The following RIT2 variants were observed in gnomAD, a reference collection of about 807,000 sequenced individuals.
RIT2 encodes Ras like without CAAX 2.
RIT2 carries 24 observed loss-of-function variants against 23.7 expected under a neutral mutation model. The observed-to-expected ratio is 1.01, with a 90% CI of 0.73 to 1.43. The LOEUF (loss-of-function observed/expected upper bound fraction) is 1.43, where lower values mean the gene tolerates loss of function less well. RIT2 is among the 40% of genes most tolerant of loss of function. The pLI is 0.00. For missense variants in RIT2, 236 were observed against 266.9 expected (o/e 0.88, Z 0.81); for synonymous variants, 107 against 91.1 (o/e 1.17, Z -0.99).
chr18:42,992,508 C>T (rs376151094), intron 2 of RIT2, among the ~76,000 whole-genome samples: 8 of 152,074 alleles, frequency 5.3e-5, no homozygotes, highest in Admixed American at 1.3e-4. Flanking sequence ...TTCTAACCTT[C>T]CTTTTCTACA....
rs1257299172 is a variant in RIT2, at chr18:43,101,534, A to C, written c.103+13883T>G. Among the ~76,000 whole-genome samples, 3 of 152,234 alleles carry C rather than the reference A, an allele frequency of 2.0e-5. No individual in the cohort carries two copies. The South Asian group carries it at 6.2e-4, about 31-fold the overall frequency. ...GAGAAGAAGCCCTGTGTCGTGCAAC[A>C]TTAAGAGATCTAGAAGAAGAGGAAG... On this transcript the variant is annotated intron_variant, in intron 1 of 4. Coordinates refer to ENST00000326695, the MANE Select transcript of RIT2 (RefSeq NM_002930.4).
chr18:42,993,367 C>A (rs1042937220), intron 2 of RIT2, among the ~76,000 whole-genome samples: 1 of 152,170 alleles, frequency 6.6e-6, no homozygotes, highest in African/African-American at 2.4e-5. Context: ...TGCCCGATTG[C>A]CTCGGAAGCC....
At chr18:43,042,492 A>G (rs1232010740) in intron 1 of RIT2, among the ~76,000 whole-genome samples, 3 of 152,156 alleles carry the variant, frequency 2.0e-5, no homozygotes, top group Non-Finnish European at 4.4e-5. Context: ...CTCTGCCTGG[A>G]GAACTCTCCT....
intron 3 of RIT2, among the ~76,000 whole-genome samples, chr18:42,958,013 T>C (rs1037076268): frequency 2.0e-5 from 3 of 152,064 alleles, no homozygotes; most frequent in Non-Finnish European, 4.4e-5. Flanking sequence ...GGACCACTGG[T>C]TAACCTGGTG....
At chr18:42,935,678 G>C (rs543899076) in intron 3 of RIT2, among the ~76,000 whole-genome samples, 13 of 152,236 alleles carry the variant, frequency 8.5e-5, no homozygotes, top group South Asian at 4.1e-4. Context: ...GAGATGTCCA[G>C]GTTCTTGGCG....
intron 1 of RIT2, among the ~76,000 whole-genome samples, chr18:43,064,266 G>A (rs1409497070): frequency 2.0e-5 from 3 of 152,132 alleles, no homozygotes; most frequent in African/African-American, 7.2e-5. Context: ...TTATATAACA[G>A]AATATATAAT....
intron 4 of RIT2, among the ~76,000 whole-genome samples, chr18:42,863,415 T>C (rs1345700191): frequency 2.0e-5 from 3 of 152,260 alleles, no homozygotes; most frequent in Non-Finnish European, 2.9e-5. Flanking sequence ...CCATTATTCT[T>C]CCGTTAAATA....
At chr18:42,906,186 C>T (rs931184496) in intron 4 of RIT2, among the ~76,000 whole-genome samples, 1 of 151,878 alleles carries the variant, frequency 6.6e-6, no homozygotes, top group African/African-American at 2.4e-5. Context: ...GGACACCCAG[C>T]CATCTTGAAT....
At chr18:43,068,720 T>G (rs1859446517) in intron 1 of RIT2, among the ~76,000 whole-genome samples, 1 of 152,102 alleles carries the variant, frequency 6.6e-6, no homozygotes, top group Non-Finnish European at 1.5e-5. Flanking sequence ...TAAATGATAT[T>G]ACAATTGGTA....
intron 4 of RIT2, among the ~76,000 whole-genome samples, chr18:42,843,889 G>T (rs188763286): frequency 6.6e-6 from 1 of 152,116 alleles, no homozygotes; most frequent in Non-Finnish European, 1.5e-5. Context: ...AGGTTATTTT[G>T]GTGAAGACAA....
intron 2 of RIT2, among the ~76,000 whole-genome samples, chr18:43,019,313 C>G (rs1259346331): frequency 6.6e-6 from 1 of 151,790 alleles, no homozygotes; most frequent in Non-Finnish European, 1.5e-5. Context: ...TTAAATCAAA[C>G]AGAGCACCAA....
Position 42,944,835 on chromosome 18 carries a change from T to A in RIT2, c.235-21072A>T, listed in dbSNP as rs184206890. Among the ~76,000 whole-genome samples the A allele has an allele frequency of 5.9e-3, 902 of 152,182 alleles. 4 individuals carry two copies. Among genetic ancestry groups the A allele is most frequent in the Non-Finnish European group, 0.01 (702 of 67,986 alleles). On this transcript the variant is annotated intron_variant, in intron 3 of 4. Transcript: ENST00000326695. ...ACTCAAAGATTCTACTTAAGTTCCA[T>A]TTTCCAGATCACACTTATTTCCAAG...
intron 1 of RIT2, among the ~76,000 whole-genome samples, chr18:43,064,975 C>T (rs770175919): frequency 9.9e-5 from 15 of 151,544 alleles, no homozygotes; most frequent in South Asian, 8.3e-4. Context: ...CACCACCATG[C>T]CCGGCTAATT....
At chr18:42,878,155 G>A (rs1174813963) in intron 4 of RIT2, among the ~76,000 whole-genome samples, 1 of 150,838 alleles carries the variant, frequency 6.6e-6, no homozygotes, top group African/African-American at 2.4e-5. Context: ...ACCAATGCAA[G>A]GGTTGGGGCA....
chr18:42,948,480 T>C (rs1909777544), intron 3 of RIT2, among the ~76,000 whole-genome samples: 1 of 151,954 alleles, frequency 6.6e-6, no homozygotes, highest in Admixed American at 6.6e-5. Flanking sequence ...GAATTAGTAG[T>C]CTAAGAATGG....
intron 4 of RIT2, among the ~76,000 whole-genome samples, chr18:42,751,994 T>C (rs1221383353): frequency 6.6e-6 from 1 of 152,110 alleles, no homozygotes; most frequent in African/African-American, 2.4e-5. Context: ...ACCATACATT[T>C]GTCATACCTA....
intron 4 of RIT2, among the ~76,000 whole-genome samples, chr18:42,857,245 C>T (rs1907212035): frequency 6.6e-6 from 1 of 152,126 alleles, no homozygotes; most frequent in African/African-American, 2.4e-5. Flanking sequence ...ATTATGTGTC[C>T]TAAAATATCT....
intron 4 of RIT2, among the ~76,000 whole-genome samples, chr18:42,890,001 A>G (rs1336351241): frequency 1.3e-5 from 2 of 152,096 alleles, no homozygotes; most frequent in East Asian, 3.8e-4. Context: ...CCAAATGTTC[A>G]GCCTCTGAGT....
At chr18:43,093,595 C>G (rs1250420168) in intron 1 of RIT2, among the ~76,000 whole-genome samples, 1 of 151,932 alleles carries the variant, frequency 6.6e-6, no homozygotes, top group Non-Finnish European at 1.5e-5. Flanking sequence ...GAATGAATAT[C>G]CTGGAGGTGA....
Sources: gnomAD v4.1 joint callset for allele counts (sites outside exome capture counted in the v4.1 genomes callset) on GRCh38, gnomAD v4.1.1 for gene constraint, MANE v1.5 for transcripts, NCBI Gene and HGNC (gene_info 2026-07-23, HGNC 2026-07-21) for gene names.